TMEM94: variants seen among roughly 807,000 people sequenced by gnomAD.
TMEM94 encodes the protein transmembrane protein 94.
TMEM94 carries 81 observed loss-of-function variants against 158.6 expected under a neutral mutation model. The ratio of observed to expected loss-of-function variants is 0.51; its 90% CI spans 0.43 to 0.61. The LOEUF is 0.61. TMEM94 is among the 20% of genes least tolerant of loss of function. The pLI, the probability that TMEM94 is intolerant of heterozygous loss-of-function variation, is 0.00. For missense variants in TMEM94, 1,435 were observed against 1,762.0 expected (o/e 0.81, Z 3.32); for synonymous variants, 751 against 730.7 (o/e 1.03, Z -0.45).
intron 1 of TMEM94, among the ~76,000 whole-genome samples, chr17:75,465,511 A>G (rs944438737): frequency 4.0e-5 from 6 of 150,904 alleles, no homozygotes; most frequent in African/African-American, 1.5e-4. Context: ...GCTCACTGCA[A>G]CCTCCAACTC....
intron 1 of TMEM94, among the ~76,000 whole-genome samples, chr17:75,465,022 C>T (rs1169159985): frequency 6.6e-6 from 1 of 151,864 alleles, no homozygotes; most frequent in Non-Finnish European, 1.5e-5. Context: ...TTGTTAGAGA[C>T]AGGGTCTCAC....
intron 1 of TMEM94, among the ~76,000 whole-genome samples, chr17:75,468,819 G>T (rs2050396146): frequency 6.6e-6 from 1 of 152,066 alleles, no homozygotes; most frequent in Non-Finnish European, 1.5e-5. Flanking sequence ...CTTTTTTCTG[G>T]GTCAGTTCTG....
chr17:75,457,396 T>A (rs1434259271), intron 1 of TMEM94: 1 of 152,144 alleles, frequency 6.6e-6, no homozygotes, highest in Admixed American at 6.6e-5. Context: ...GGAGCCCAGG[T>A]CTCCTGGTTC....
chr17:75,482,994 T>C (rs1395941382), intron 2 of TMEM94, among the ~76,000 whole-genome samples: 1 of 152,200 alleles, frequency 6.6e-6, no homozygotes, highest in Non-Finnish European at 1.5e-5. Context: ...CATTGACATG[T>C]AAACCTCCCC....
In TMEM94 at chr17:75,465,574, G is replaced by A. The variant is rs371897067; in HGVS notation, c.-106-6226G>A. Among the ~76,000 whole-genome samples, 51 of 151,122 alleles carry A rather than the reference G, an allele frequency of 3.4e-4. No homozygotes were observed. In the South Asian group the frequency reaches 0.01, roughly 31 times the overall value. On this transcript the variant is annotated intron_variant, in intron 1 of 31. Coordinates refer to ENST00000314256, the MANE Select transcript of TMEM94 (RefSeq NM_014738.6). ...GCCTCCCAAGTAGCTAAGACTGCAG[G>A]TGTGTGCCAACATGCCTGGCTGAAA...
chr17:75,478,260 G>A (rs374090477), intron 2 of TMEM94, among the ~76,000 whole-genome samples: 3 of 136,976 alleles, frequency 2.2e-5, no homozygotes, highest in South Asian at 2.3e-4. Flanking sequence ...CTCGTGATCC[G>A]CCCGCCTCGG....
At position 75,491,714 on chromosome 17, in the gene TMEM94, G is replaced by A; in HGVS notation, c.1410G>A (p.Leu470=). The change falls in exon 14 of 32, where the codon CTG becomes CTA. Residue 470 remains leucine (L), a synonymous_variant. Transcript: ENST00000314256. The surrounding 1 kb of genome is among the most constrained non-coding windows in gnomAD (Gnocchi z 5.1). ...HPEPHERDAL[L]AGSLNNTLHL... ...AGCCCCATGAACGAGACGCCCTCCT[G>A]GCTGGCTCCCTGAACAACACCCTGC... The A allele has an allele frequency of 6.2e-7, 1 of 1,614,058 alleles. No individual in the cohort carries two copies. Among genetic ancestry groups the A allele is most frequent in the Non-Finnish European group, 8.5e-7 (1 of 1,180,030 alleles).
chr17:75,469,253 G>A (rs897792485), intron 1 of TMEM94, among the ~76,000 whole-genome samples: 1 of 152,110 alleles, frequency 6.6e-6, no homozygotes, highest in African/African-American at 2.4e-5. Context: ...GGATGCAGTG[G>A]ACATCCACCC....
intron 2 of TMEM94, among the ~76,000 whole-genome samples, chr17:75,484,630 C>T (rs1167383273): frequency 6.6e-6 from 1 of 151,882 alleles, no homozygotes; most frequent in African/African-American, 2.4e-5. Flanking sequence ...CTCTTAGGTT[C>T]GAGTGATCCA....
In TMEM94 at chr17:75,499,293, C is replaced by T. The variant is rs1460469705; in HGVS notation, c.4030C>T (p.Leu1344=). 1.5e-5 allele frequency: 25 copies of T among 1,613,750 alleles called. No individual in the cohort carries two copies. Among genetic ancestry groups the T allele is most frequent in the Non-Finnish European group, 2.1e-5 (25 of 1,179,994 alleles). ...AGTCCGCTACCAGAAGCGACAGAAG[C>T]TGCAGTTTGAAACTAAGCTGGGCAT... The part of the protein sequence containing the change: ...VRVRYQKRQK[L]QFETKLGMNS... The change falls in exon 32 of 32, where the codon CTG becomes TTG. Residue 1344 remains leucine (L), a synonymous_variant. Coordinates refer to ENST00000314256, the MANE Select transcript of TMEM94 (RefSeq NM_014738.6).
At position 75,488,017 on chromosome 17, in the gene TMEM94, G is replaced by A. The variant is rs750342924; in HGVS notation, c.495G>A (p.Leu165=). The A allele has an allele frequency of 1.2e-5, 20 of 1,614,078 alleles. No homozygotes were observed. The East Asian group carries it at 1.8e-4, about 14-fold the overall frequency. Residue 165 remains leucine (L), a synonymous_variant, in exon 6 of 32, where the codon TTG becomes TTA. Transcript: ENST00000314256. ...TGCCTTTTGCGCCATCCTGGTCCTT[G>A]CACTGGGCCTACAGAGACGGACACC... ...LHMPFAPSWS[L]HWAYRDGHLV...
chr17:75,468,416 C>G (rs567787902), intron 1 of TMEM94, among the ~76,000 whole-genome samples: 1 of 152,328 alleles, frequency 6.6e-6, no homozygotes, highest in South Asian at 2.1e-4. Context: ...GTGTTTTTCC[C>G]TGTGTGGCAA....
chr17:75,496,639 G>C (rs1216952314), intron 24 of TMEM94, 91 bp from the exon 25 acceptor site: 1 of 1,442,612 alleles, frequency 6.9e-7, no homozygotes, highest in Non-Finnish European at 9.7e-7. Context: ...AAGCATCCTG[G>C]GCGTCTGGCT....
At chr17:75,470,596 A>T (rs1020134677) in intron 1 of TMEM94, among the ~76,000 whole-genome samples, 2 of 151,898 alleles carry the variant, frequency 1.3e-5, no homozygotes, top group African/African-American at 4.8e-5. Flanking sequence ...TCCCAGCTAC[A>T]CAGGAGGCTG....
chr17:75,462,497 A>G (rs553810403), intron 1 of TMEM94, among the ~76,000 whole-genome samples: 98 of 151,300 alleles, frequency 6.5e-4, no homozygotes, highest in Non-Finnish European at 1.0e-3. Context: ...GGTTCCCTCT[A>G]GTGATGGGAG....
Position 75,485,738 on chromosome 17 carries a change from C to T in TMEM94, c.145-133C>T. On this transcript the variant is annotated intron_variant, in intron 3 of 31. Coordinates refer to ENST00000314256, the MANE Select transcript of TMEM94 (RefSeq NM_014738.6). The surrounding 1 kb of genome is among the most constrained non-coding windows in gnomAD (Gnocchi z 5.5). The stretch of plus-strand genomic sequence containing the variant: ...GAGCCTGCTTGCTGCAGGAGCCCAA[C>T]AGGCTGGAGCCCAGCCGAGGTCAAA... 1 of 1,354,346 alleles carries T rather than the reference C, an allele frequency of 7.4e-7. No individual in the cohort carries two copies. Among genetic ancestry groups the T allele is most frequent in the Non-Finnish European group, 1.0e-6 (1 of 1,000,682 alleles). 83.9% of individuals were successfully genotyped at this position (1,354,346 alleles called of 1,614,324 possible). A position where few individuals can be genotyped will look rare whatever the true frequency, so the allele number is the denominator to read the frequency against.
rs1217028321 is a variant in TMEM94, at chr17:75,463,008, TAAAAAAAAA to T, written c.-107+6279_-107+6287del. ...GACATGTCTCCAAAAATAAAAAAAGTAAAAAAAAAAAAAAAAAAAAAAAAAAAAAATATA... is the reference window on the plus strand; with the variant it reads ...GACATGTCTCCAAAAATAAAAAAAGTAAAAAAAAAAAAAAAAAAAAATATA... On this transcript the variant is annotated intron_variant, in intron 1 of 31. Coordinates refer to ENST00000314256, the MANE Select transcript of TMEM94 (RefSeq NM_014738.6). Among the ~76,000 whole-genome samples the T allele has an allele frequency of 7.0e-4, 4 of 5,686 alleles. 1 individual carries two copies. The East Asian group carries it at 0.033, about 47-fold the overall frequency. The allele number at this position is 5,686 out of a possible 152,430, so 3.7% of individuals were successfully genotyped here.
At chr17:75,490,371 TG>T in intron 10 of TMEM94, 21 bp downstream of exon 10, 1 of 1,608,332 alleles carries the variant, frequency 6.2e-7, no homozygotes, top group Non-Finnish European at 8.5e-7. Flanking sequence ...CCAAGGTGTC[TG>T]GGGGAAGTCA....
chr17:75,480,659 C>G (rs550966589), intron 2 of TMEM94, among the ~76,000 whole-genome samples: 4 of 152,234 alleles, frequency 2.6e-5, no homozygotes, highest in Non-Finnish European at 5.9e-5. Context: ...CTCCCTGGCT[C>G]TCTGACTACT....
Sources: allele counts gnomAD v4.1 joint callset (sites outside exome capture counted in the v4.1 genomes callset), GRCh38; gene constraint gnomAD v4.1.1; non-coding constraint Gnocchi (gnomAD v3.1); transcripts MANE v1.5; gene names NCBI Gene and HGNC (gene_info 2026-07-23, HGNC 2026-07-21).